The following SYT14 variants were observed in gnomAD, a reference collection of about 807,000 sequenced individuals.
SYT14 encodes the protein synaptotagmin-14.
In SYT14, 32 loss-of-function variants were observed where a neutral mutation model predicts 74.2. The ratio of observed to expected loss-of-function variants is 0.43; its 90% confidence interval spans 0.33 to 0.58. SYT14 has a LOEUF of 0.58. SYT14 is among the 20% of genes least tolerant of loss of function. The pLI is 0.05. For synonymous variants in SYT14, 298 were observed against 337.7 expected (o/e 0.88, Z 1.29); for missense variants, 791 against 981.8 (o/e 0.81, Z 2.60).
At chr1:210,015,672 TTC>T in intron 3 of SYT14, 1 of 184,940 alleles carries the variant, frequency 5.4e-6, no homozygotes, top group Non-Finnish European at 1.1e-5. Flanking sequence ...CTTTTTATAC[TTC>T]TTTTTTCAGG....
At chr1:210,170,678 G>A (rs899623613) in exon 10 of SYT14, 3 of 151,892 alleles carry the variant, frequency 2.0e-5, no homozygotes, top group African/African-American at 7.3e-5. Flanking sequence ...CCTAATTCTT[G>A]TCATTGACAA....
intron 2 of SYT14, among the ~76,000 whole-genome samples, chr1:209,987,287 T>TG (rs2079588035): frequency 6.6e-6 from 1 of 152,202 alleles, no homozygotes; most frequent in South Asian, 2.1e-4. Context: ...GCAATTCTTG[T>TG]GTTGCTATAA....
chr1:210,106,445 G>A (rs933074732), intron 7 of SYT14, among the ~76,000 whole-genome samples: 1 of 152,104 alleles, frequency 6.6e-6, no homozygotes, highest in Admixed American at 6.5e-5. Context: ...CCCAAGCCTG[G>A]GTAATTTATA....
At chr1:209,972,215 A>G (rs778511411) in intron 2 of SYT14, among the ~76,000 whole-genome samples, 32 of 151,102 alleles carry the variant, frequency 2.1e-4, no homozygotes, top group Non-Finnish European at 2.7e-4. Flanking sequence ...TCATATTTCT[A>G]TATAATTGGT....
intron 7 of SYT14, among the ~76,000 whole-genome samples, chr1:210,116,983 G>A (rs1346752765): frequency 6.6e-6 from 1 of 151,988 alleles, no homozygotes; most frequent in Admixed American, 6.6e-5. Context: ...ATGCATCTCA[G>A]GGTATTTAAA....
At chr1:210,103,631 A>G (rs956604923) in intron 7 of SYT14, among the ~76,000 whole-genome samples, 1 of 151,992 alleles carries the variant, frequency 6.6e-6, no homozygotes, top group Non-Finnish European at 1.5e-5. Flanking sequence ...TAGAAAATAT[A>G]CTTAAGAGTT....
intron 7 of SYT14, among the ~76,000 whole-genome samples, chr1:210,122,635 T>C (rs1257945819): frequency 6.6e-6 from 1 of 151,870 alleles, no homozygotes; most frequent in Admixed American, 6.6e-5. Context: ...TTTTTAAAAA[T>C]GTAAAACCTT....
At chr1:209,969,298 C>G (rs2079206845) in intron 2 of SYT14, among the ~76,000 whole-genome samples, 1 of 151,990 alleles carries the variant, frequency 6.6e-6, no homozygotes, top group Admixed American at 6.6e-5. Context: ...AGCTCTGTTT[C>G]AAGTTATCTG....
At chr1:210,017,725 A>G (rs2080215691) in intron 4 of SYT14, among the ~76,000 whole-genome samples, 2 of 152,170 alleles carry the variant, frequency 1.3e-5, no homozygotes, top group African/African-American at 4.8e-5. Flanking sequence ...ATAGTTTTCA[A>G]TCACAGTATT....
At chr1:210,056,717 T>C (rs1297870954) in intron 5 of SYT14, among the ~76,000 whole-genome samples, 8 of 147,558 alleles carry the variant, frequency 5.4e-5, no homozygotes, top group Non-Finnish European at 3.0e-5. Flanking sequence ...TCCCAGCTAC[T>C]CAGGAGGCTG....
At chr1:210,134,274 T>A (rs987517120) in intron 7 of SYT14, among the ~76,000 whole-genome samples, 4 of 151,862 alleles carry the variant, frequency 2.6e-5, no homozygotes, top group Non-Finnish European at 5.9e-5. Flanking sequence ...GGCTAATTTT[T>A]AAAATTTTTT....
chr1:210,090,348 G>A (rs1220808802), intron 5 of SYT14, among the ~76,000 whole-genome samples: 1 of 148,078 alleles, frequency 6.8e-6, no homozygotes, highest in African/African-American at 2.6e-5. Context: ...AATCAATTTT[G>A]GCAGATTTCC....
chr1:210,004,729 T>C (rs1254271899), intron 2 of SYT14, among the ~76,000 whole-genome samples: 1 of 152,046 alleles, frequency 6.6e-6, no homozygotes, highest in East Asian at 1.9e-4. Context: ...AAAACTGCGA[T>C]GCTTGTTCAG....
chr1:210,124,171 A>G (rs1558205433), intron 7 of SYT14, among the ~76,000 whole-genome samples: 1 of 151,980 alleles, frequency 6.6e-6, no homozygotes, highest in Non-Finnish European at 1.5e-5. Context: ...TCATATGCTC[A>G]TGAAACCAAA....
At chr1:210,024,885 G>T (rs2080377599) in intron 5 of SYT14, among the ~76,000 whole-genome samples, 2 of 151,734 alleles carry the variant, frequency 1.3e-5, no homozygotes, top group South Asian at 4.1e-4. Context: ...AGGCAGCGTG[G>T]TTGGGGAGAA....
At chr1:209,941,888 A>G (rs1358717563) in intron 1 of SYT14, among the ~76,000 whole-genome samples, 1 of 152,208 alleles carries the variant, frequency 6.6e-6, no homozygotes, top group Non-Finnish European at 1.5e-5. Context: ...TAATATTTGC[A>G]TATAACTTAT....
chr1:210,127,991 T>C (rs2082600802), intron 7 of SYT14, among the ~76,000 whole-genome samples: 1 of 151,938 alleles, frequency 6.6e-6, no homozygotes, highest in Non-Finnish European at 1.5e-5. Context: ...TATCGCGCCA[T>C]TGCACTCCAG....
chr1:210,062,262 G>A (rs1267559980), intron 5 of SYT14, among the ~76,000 whole-genome samples: 11 of 151,834 alleles, frequency 7.2e-5, no homozygotes. Context: ...TAATAACCAA[G>A]TGCATATTTG....
chr1:210,087,784 C>T (rs2081767021), intron 5 of SYT14, among the ~76,000 whole-genome samples: 1 of 152,154 alleles, frequency 6.6e-6, no homozygotes, highest in Non-Finnish European at 1.5e-5. Flanking sequence ...CCTGAGATAC[C>T]ACACTGGGCT....
Sources: allele counts gnomAD v4.1 joint callset (sites outside exome capture counted in the v4.1 genomes callset), GRCh38; gene constraint gnomAD v4.1.1; transcripts MANE v1.5; gene names NCBI Gene and HGNC (gene_info 2026-07-23, HGNC 2026-07-21).